The following MTA3 variants were observed in gnomAD, a reference collection of about 807,000 sequenced individuals.
MTA3 encodes metastasis-associated protein MTA3.
In MTA3, 34 loss-of-function variants were observed where a neutral mutation model predicts 83.5. The observed-to-expected ratio is 0.41, with a 90% CI of 0.31 to 0.54. The LOEUF is 0.54. Among genes scored for constraint, MTA3 ranks in the 20% least tolerant of loss-of-function variants. The pLI, the probability that MTA3 is intolerant of heterozygous loss-of-function variation, is 0.33. For missense variants in MTA3, 761 were observed against 726.4 expected (o/e 1.05, Z -0.55); for synonymous variants, 303 against 252.7 (o/e 1.20, Z -1.89).
At chr2:42,653,590 T>A (rs1252187256) in intron 6 of MTA3, among the ~76,000 whole-genome samples, 1 of 152,212 alleles carries the variant, frequency 6.6e-6, no homozygotes, top group African/African-American at 2.4e-5. Flanking sequence ...CTATATTTAT[T>A]TTTTGTTCTT....
rs373847359 is a variant in MTA3, at chr2:42,546,057, T to C, written c.-140-24380T>C. Among the ~76,000 whole-genome samples the C allele has an allele frequency of 3.9e-5, 6 of 152,138 alleles. No individual in the cohort carries two copies. The East Asian group carries it at 7.7e-4, about 19-fold the overall frequency. ...CCCTAAGCCACTCCTGAAAGGGCAA[T>C]TGGCTGATCCGGGAATTCACTCTTT... On this transcript the variant is annotated intron_variant, in intron 2 of 17. Coordinates refer to the MTA3 transcript ENST00000405592.
intron 2 of MTA3, among the ~76,000 whole-genome samples, chr2:42,573,015 A>G (rs868033588): frequency 6.6e-6 from 1 of 152,176 alleles, no homozygotes; most frequent in Admixed American, 6.6e-5. Context: ...GGTGTGGGCC[A>G]CTGCGCCTGG....
At chr2:42,538,931 T>C (rs35444117) in intron 2 of MTA3, among the ~76,000 whole-genome samples, 49,368 of 144,432 alleles carry the variant, frequency 0.34, 8,530 homozygotes, top group South Asian at 0.39. Context: ...CCCGCCACCG[T>C]GCCCGGCTAA....
intron 4 of MTA3, among the ~76,000 whole-genome samples, chr2:42,629,323 C>T (rs1320818520): frequency 6.6e-6 from 1 of 152,180 alleles, no homozygotes; most frequent in African/African-American, 2.4e-5. Context: ...TTGTGATTCA[C>T]CTGCCTCGGC....
chr2:42,667,696 G>A (rs1485875012), intron 8 of MTA3, among the ~76,000 whole-genome samples: 1 of 150,314 alleles, frequency 6.7e-6, no homozygotes, highest in Non-Finnish European at 1.5e-5. Flanking sequence ...ATGCAGTGGC[G>A]TGATCATAGC....
chr2:42,601,486 T>A (rs1189397574), intron 3 of MTA3, among the ~76,000 whole-genome samples: 1 of 152,180 alleles, frequency 6.6e-6, no homozygotes, highest in Non-Finnish European at 1.5e-5. Context: ...GTTTTGTTGT[T>A]GTTGTTTTGA....
intron 2 of MTA3, among the ~76,000 whole-genome samples, chr2:42,554,721 G>A (rs1677295706): frequency 6.6e-6 from 1 of 152,140 alleles, no homozygotes; most frequent in Non-Finnish European, 1.5e-5. Flanking sequence ...ATTCTAAATA[G>A]AGGGACATGC....
chr2:42,543,774 C>T (rs944146056), intron 2 of MTA3, among the ~76,000 whole-genome samples: 2 of 151,692 alleles, frequency 1.3e-5, no homozygotes, highest in African/African-American at 4.8e-5. Flanking sequence ...GCATGAGCCG[C>T]TATGCCTGGT....
chr2:42,704,288 C>G lies in MTA3; in HGVS notation c.1120C>G (p.Leu374Val), dbSNP rs749119122. The G allele has an allele frequency of 1.9e-6, 3 of 1,613,960 alleles. No homozygotes were observed. In the South Asian group the frequency reaches 3.3e-5, roughly 18 times the overall value. The change falls in exon 12 of 17, where the codon CTC becomes GTC. Residue 374 changes from leucine to valine, a missense_variant. Leu to Val is a conservative substitution (Grantham distance 32). Coordinates refer to ENST00000405094, the MANE Select transcript of MTA3 (RefSeq NM_001330442.2). Reference sequence around the variant, plus strand: ...GACCACGTTCCAGCCTCAGAATCCTCTCTTAGGGAGAGCCTGTGAGAGCTG... The same window carrying G: ...GACCACGTTCCAGCCTCAGAATCCTGTCTTAGGGAGAGCCTGTGAGAGCTG... ...VGTTFQPQNP[L>V]LGRACESCYA...
intron 16 of MTA3, among the ~76,000 whole-genome samples, chr2:42,752,895 C>T (rs1296316338): frequency 6.6e-6 from 1 of 151,792 alleles, no homozygotes; most frequent in Non-Finnish European, 1.5e-5. Context: ...ATTAAACTTT[C>T]CCTTTGATCC....
chr2:42,576,712 A>G (rs1679066507), intron 2 of MTA3, among the ~76,000 whole-genome samples: 2 of 151,982 alleles, frequency 1.3e-5, no homozygotes, highest in South Asian at 4.2e-4. Context: ...AGCCTGGCCA[A>G]TGTGGTGAAA....
intron 9 of MTA3, among the ~76,000 whole-genome samples, chr2:42,691,200 C>T (rs527526894): frequency 6.6e-5 from 10 of 151,994 alleles, no homozygotes; most frequent in Non-Finnish European, 8.8e-5. Context: ...TTAATAGAGA[C>T]GGGGTTTCAC....
chr2:42,669,898 A>T (rs1690640653), intron 8 of MTA3, among the ~76,000 whole-genome samples: 1 of 152,232 alleles, frequency 6.6e-6, no homozygotes, highest in East Asian at 1.9e-4. Context: ...TTGTTTTAGC[A>T]ACTTTGTCTA....
intron 11 of MTA3, chr2:42,703,772 C>T (rs1665812159): frequency 6.4e-6 from 1 of 156,530 alleles, no homozygotes; most frequent in African/African-American, 2.4e-5. Context: ...CGCCTGTAAT[C>T]CCAGCTACTA....
intron 7 of MTA3, among the ~76,000 whole-genome samples, chr2:42,657,018 A>C (rs1472985420): frequency 1.3e-5 from 2 of 152,342 alleles, no homozygotes; most frequent in South Asian, 2.1e-4. Flanking sequence ...TTTGCTGTGT[A>C]CAAAACTATT....
In MTA3 at chr2:42,611,707, T is replaced by C. The variant is rs568194968; in HGVS notation, c.317+2123T>C. Among the ~76,000 whole-genome samples the C allele has an allele frequency of 9.9e-5, 15 of 152,112 alleles. No homozygotes were observed. In the South Asian group the frequency reaches 2.1e-3, roughly 21 times the overall value. On this transcript the variant is annotated intron_variant, in intron 4 of 16. Coordinates refer to ENST00000405094, the MANE Select transcript of MTA3 (RefSeq NM_001330442.2). The stretch of plus-strand genomic sequence containing the variant: ...GGTGTGTGCCTGTGGTCCCAGCTAA[T>C]TGGGGGGCTGAGGTGGGAGGATTGC...
At chr2:42,566,443 A>G (rs768684394), upstream of MTA3, among the ~76,000 whole-genome samples, 1 of 152,056 alleles carries the variant, frequency 6.6e-6, no homozygotes, top group Non-Finnish European at 1.5e-5. Context: ...TGTAGAGGAC[A>G]TTGGCCTAGG....
At chr2:42,676,727 C>T (rs778359266) in intron 8 of MTA3, among the ~76,000 whole-genome samples, 3 of 152,182 alleles carry the variant, frequency 2.0e-5, no homozygotes, top group Non-Finnish European at 4.4e-5. Flanking sequence ...GATCATGCCA[C>T]TGCACTCCAA....
chr2:42,755,597 T>TG lies in MTA3; in HGVS notation c.*2200dup. 1.0e-6 allele frequency: 1 copy of TG among 985,614 alleles called. No homozygotes were observed. Among genetic ancestry groups the TG allele is most frequent in the Non-Finnish European group, 1.2e-6 (1 of 830,048 alleles). The allele number at this position is 985,614 out of a possible 1,614,324, so 61.1% of individuals were successfully genotyped here. On this transcript the variant is annotated 3_prime_UTR_variant, in exon 17 of 17. Transcript: ENST00000405094. The stretch of plus-strand genomic sequence containing the variant: ...AGACTTCACGCTCTCCCTTTGTCTC[T>TG]GGAAACTGCCCCCTCGTTCTGACAG...
Sources: gnomAD v4.1 joint callset for allele counts (sites outside exome capture counted in the v4.1 genomes callset) on GRCh38, gnomAD v4.1.1 for gene constraint, MANE v1.5 for transcripts, NCBI Gene and HGNC (gene_info 2026-07-23, HGNC 2026-07-21) for gene names.